RBFOX1: variants seen among roughly 807,000 people sequenced by gnomAD.
The protein encoded by RBFOX1 is RNA binding protein fox-1 homolog 1.
In RBFOX1, 8 loss-of-function variants were observed where a neutral mutation model predicts 57.7. The ratio of observed to expected loss-of-function variants is 0.14; its 90% confidence interval spans 0.08 to 0.25. RBFOX1 has a LOEUF of 0.25. RBFOX1 is among the 10% of genes least tolerant of loss of function. The pLI, the probability that RBFOX1 is intolerant of heterozygous loss-of-function variation, is 1.00. For missense variants in RBFOX1, 611 were observed against 548.5 expected, an observed-to-expected ratio of 1.11 and a Z score of -1.14; for synonymous variants, 326 against 222.4, an observed-to-expected ratio of 1.47 and a Z score of -4.15.
intron 3 of RBFOX1, among the ~76,000 whole-genome samples, chr16:6,918,972 G>C (rs569183445): frequency 1.3e-5 from 2 of 151,984 alleles, no homozygotes; most frequent in Non-Finnish European, 2.9e-5. Context: ...AATAACAACA[G>C]CTAATGATTT....
intron 4 of RBFOX1, among the ~76,000 whole-genome samples, chr16:7,178,915 C>T (rs756813810): frequency 1.3e-5 from 2 of 152,112 alleles, no homozygotes; most frequent in Admixed American, 6.6e-5. Context: ...TTAACAAGAT[C>T]GTAAATAATA....
intron 3 of RBFOX1, among the ~76,000 whole-genome samples, chr16:6,814,294 C>T (rs766795873): frequency 4.6e-5 from 7 of 151,996 alleles, no homozygotes; most frequent in Non-Finnish European, 1.0e-4. Context: ...ATGTCCTTTT[C>T]TGATCTTCAA....
At chr16:5,539,772 T>G (rs2044858043) in intron 2 of RBFOX1, among the ~76,000 whole-genome samples, 1 of 152,188 alleles carries the variant, frequency 6.6e-6, no homozygotes, top group African/African-American at 2.4e-5. Context: ...AAACTAAAAT[T>G]CTGCTTAGAT....
intron 2 of RBFOX1, among the ~76,000 whole-genome samples, chr16:6,402,836 A>G (rs1283772540): frequency 6.6e-6 from 1 of 152,218 alleles, no homozygotes; most frequent in Admixed American, 6.5e-5. Context: ...TCTGGAACCT[A>G]AAATTCATGT....
intron 2 of RBFOX1, among the ~76,000 whole-genome samples, chr16:6,324,771 A>C (rs1293467751): frequency 1.3e-5 from 2 of 152,134 alleles, no homozygotes; most frequent in Non-Finnish European, 2.9e-5. Flanking sequence ...TCTAACTTCG[A>C]ATTTAGAAAG....
At chr16:6,961,357 T>C (rs1049865667) in intron 3 of RBFOX1, among the ~76,000 whole-genome samples, 1 of 152,250 alleles carries the variant, frequency 6.6e-6, no homozygotes, top group Admixed American at 6.5e-5. Context: ...CTCCAGACCG[T>C]GTTCAAACTG....
At chr16:5,364,798 G>A (rs1244935589) in intron 1 of RBFOX1, among the ~76,000 whole-genome samples, 1 of 152,168 alleles carries the variant, frequency 6.6e-6, no homozygotes, top group African/African-American at 2.4e-5. Context: ...TTAAAGATGG[G>A]GAGATGGGGA....
At chr16:6,336,177 ATATATTTTTTTTTTTTTTTTT>A (rs1274672620) in intron 2 of RBFOX1, among the ~76,000 whole-genome samples, 4 of 26,446 alleles carry the variant, frequency 1.5e-4, no homozygotes, top group African/African-American at 4.4e-4. Flanking sequence ...ATATATATAT[ATATATTTTTTTTTTTTTTTTT>A]TTTTTTTTTT....
chr16:6,729,125 T>G (rs1162887067), intron 3 of RBFOX1, among the ~76,000 whole-genome samples: 1 of 152,172 alleles, frequency 6.6e-6, no homozygotes, highest in Non-Finnish European at 1.5e-5. Context: ...CTAAGGAGTT[T>G]TGTTCTTTAT....
chr16:7,463,826 A>G (rs553432875), intron 4 of RBFOX1, among the ~76,000 whole-genome samples: 5 of 152,330 alleles, frequency 3.3e-5, no homozygotes, highest in Non-Finnish European at 7.4e-5. Context: ...ATGTCACTCT[A>G]TACCAGCCAC....
intron 1 of RBFOX1, among the ~76,000 whole-genome samples, chr16:5,255,401 CACCCACCTACCCATCT>C (rs2062567319): frequency 6.6e-6 from 1 of 151,986 alleles, no homozygotes; most frequent in Admixed American, 6.6e-5. Context: ...TACATCCATC[CACCCACCTACCCATCT>C]ATCCACCCAC....
At chr16:5,950,577 C>G (rs1463068004) in intron 4 of RBFOX1, among the ~76,000 whole-genome samples, 1 of 152,158 alleles carries the variant, frequency 6.6e-6, no homozygotes, top group East Asian at 1.9e-4. Context: ...GTGTTACAAT[C>G]ATTGCTATTC....
At chr16:5,437,452 C>A (rs1262958688) in intron 1 of RBFOX1, among the ~76,000 whole-genome samples, 1 of 152,168 alleles carries the variant, frequency 6.6e-6, no homozygotes, top group Non-Finnish European at 1.5e-5. Flanking sequence ...ATCGTAAAAA[C>A]ATGAAGAACA....
intron 1 of RBFOX1, among the ~76,000 whole-genome samples, chr16:6,220,140 C>G (rs2097362764): frequency 6.6e-6 from 1 of 151,784 alleles, no homozygotes; most frequent in Admixed American, 6.6e-5. Context: ...TCATCTATCT[C>G]GATATAGGTA....
At chr16:7,706,191 A>C (rs148451143) in intron 14 of RBFOX1, among the ~76,000 whole-genome samples, 7 of 152,292 alleles carry the variant, frequency 4.6e-5, no homozygotes, top group African/African-American at 1.7e-4. Flanking sequence ...CGTGTTCAGA[A>C]ATTAGCATTT....
intron 14 of RBFOX1, among the ~76,000 whole-genome samples, chr16:7,691,434 A>G (rs189480021): frequency 2.3e-3 from 327 of 141,856 alleles, no homozygotes; most frequent in African/African-American, 7.6e-3. Context: ...AACGGAAAGA[A>G]AACGGAAAGG....
At chr16:6,738,238 C>T (rs1029381092) in intron 3 of RBFOX1, among the ~76,000 whole-genome samples, 4 of 152,080 alleles carry the variant, frequency 2.6e-5, no homozygotes, top group Admixed American at 2.6e-4. Context: ...CAATCCTTGA[C>T]AGGAGCAAAG....
chr16:7,409,033 C>T (rs1489658148), intron 4 of RBFOX1, among the ~76,000 whole-genome samples: 1 of 152,178 alleles, frequency 6.6e-6, no homozygotes, highest in East Asian at 1.9e-4. Context: ...GGCTTTTCTT[C>T]ATGTCTAAAT....
rs191397099 is a variant in RBFOX1, at chr16:6,820,991, T to C, written c.-16+166341T>C. Reference sequence around the variant, plus strand: ...TGTATTATGTGTTATATACAGTTACTTGTAAGGGAGTCTTAGGGTTATTAT... The same window carrying C: ...TGTATTATGTGTTATATACAGTTACCTGTAAGGGAGTCTTAGGGTTATTAT... On this transcript the variant is annotated intron_variant, in intron 3 of 15. Transcript: ENST00000550418. 3.3e-5 allele frequency among the ~76,000 whole-genome samples: 5 copies of C among 152,348 alleles called. No individual in the cohort carries two copies. The East Asian group carries it at 9.6e-4, about 29-fold the overall frequency.
Sources: gnomAD v4.1 joint callset for allele counts (sites outside exome capture counted in the v4.1 genomes callset) on GRCh38, gnomAD v4.1.1 for gene constraint, MANE v1.5 for transcripts, NCBI Gene and HGNC (gene_info 2026-07-23, HGNC 2026-07-21) for gene names.